VIPR1: variants seen among roughly 807,000 people sequenced by gnomAD.
VIPR1 encodes the protein vasoactive intestinal peptide receptor 1.
VIPR1 carries 59 observed loss-of-function variants against 58.8 expected under a neutral mutation model. That is an observed-to-expected ratio of 1.00 (90% confidence interval 0.81 to 1.25). VIPR1 has a LOEUF of 1.25. Among genes scored for constraint, VIPR1 ranks in the 50% most tolerant of loss-of-function variants. The probability of loss-of-function intolerance (pLI) is 0.00; values close to 1 mark genes in which losing one functional copy is unlikely to be tolerated. For synonymous variants in VIPR1, 251 were observed against 242.1 expected, an observed-to-expected ratio of 1.04 and a Z score of -0.34; for missense variants, 626 against 602.7, an observed-to-expected ratio of 1.04 and a Z score of -0.40.
At chr3:42,491,395 A>G (rs72861293) in intron 1 of VIPR1, among the ~76,000 whole-genome samples, 4,085 of 152,302 alleles carry the variant, frequency 0.027, 173 homozygotes, top group African/African-American at 0.091. Flanking sequence ...TATCCTTTAG[A>G]TGTACACACT....
rs759491763 is a variant in VIPR1, at chr3:42,531,458, C to G, written c.791-13C>G. On this transcript the variant is annotated splice_polypyrimidine_tract_variant and intron_variant, in intron 7 of 12. Coordinates refer to ENST00000325123, the MANE Select transcript of VIPR1 (RefSeq NM_004624.4). ...TGCCCTCTCTGCTCTTTCACTCTCC[C>G]TGGGCCTGACAGGGGTACCCAGCAC... The G allele has an allele frequency of 1.3e-6, 2 of 1,570,292 alleles. No homozygotes were observed. The highest frequency in any genetic ancestry group is 2.7e-5 in the African/African-American group (2 of 74,062).
At chr3:42,534,820 C>A in intron 10 of VIPR1, 155 bp from the exon 11 acceptor site, 1 of 996,876 alleles carries the variant, frequency 1.0e-6, no homozygotes, top group Non-Finnish European at 1.4e-6. Flanking sequence ...CAGGAGCAGA[C>A]AAGGGCATAA....
Position 42,527,882 on chromosome 3 carries a change from G to A in VIPR1, c.504-109G>A, listed in dbSNP as rs1378889649. 1.0e-5 allele frequency: 15 copies of A among 1,465,192 alleles called. No individual in the cohort carries two copies. In the Admixed American group the frequency reaches 2.3e-4, roughly 23 times the overall value. 90.8% of individuals were successfully genotyped at this position (1,465,192 alleles called of 1,614,324 possible). A position where few individuals can be genotyped will look rare whatever the true frequency, so the allele number is the denominator to read the frequency against. On this transcript the variant is annotated intron_variant, in intron 5 of 12. Coordinates refer to ENST00000325123, the MANE Select transcript of VIPR1 (RefSeq NM_004624.4). ...CCCTTTGAGGCGGGGCCTGCCCTCTGGAGGACACATGCTCCCCTGCCCCAC... is the reference window on the plus strand; with the variant it reads ...CCCTTTGAGGCGGGGCCTGCCCTCTAGAGGACACATGCTCCCCTGCCCCAC...
chr3:42,511,622 A>G (rs421559), intron 1 of VIPR1: 122,886 of 151,852 alleles, frequency 0.81, 49,802 homozygotes, highest in East Asian at 0.99. Flanking sequence ...GTTATGAGAG[A>G]TAAGAATGGA....
chr3:42,525,690 CG>C (rs887348033), intron 3 of VIPR1, among the ~76,000 whole-genome samples, 196 bp from the exon 4 acceptor site: 23 of 152,294 alleles, frequency 1.5e-4, no homozygotes, highest in African/African-American at 5.3e-4. Context: ...ATCATCGGTG[CG>C]GGAGCCCTGA....
At position 42,532,008 on chromosome 3, in the gene VIPR1, ACC is replaced by A. The variant is rs1364415315; in HGVS notation, c.918+142_918+143del. On this transcript the variant is annotated intron_variant, in intron 9 of 12. Transcript: ENST00000325123. ...TAATGCCCAATGCAGGATCATCCCCACCCCTGTCCTACCAGTTCTTCCTTGAG... is the reference window on the plus strand; with the variant it reads ...TAATGCCCAATGCAGGATCATCCCCACCTGTCCTACCAGTTCTTCCTTGAG... 57 of 1,017,392 alleles carry A rather than the reference ACC, an allele frequency of 5.6e-5. 1 individual carries two copies. The highest frequency in any genetic ancestry group is 1.6e-5 in the Non-Finnish European group (11 of 674,174). The allele number at this position is 1,017,392 out of a possible 1,614,324, so 63.0% of individuals were successfully genotyped here.
At position 42,528,006 on chromosome 3, in the gene VIPR1, G is replaced by T. The variant is rs565208269; in HGVS notation, c.519G>T (p.Thr173=). ...CCCCACACAGGAAGCTCCACTGCACGCGGAACTACATCCACATGCACCTCT... is the reference window on the plus strand; with the variant it reads ...CCCCACACAGGAAGCTCCACTGCACTCGGAACTACATCCACATGCACCTCT... ...ILSLFRKLHC[T]RNYIHMHLFI... Residue 173 remains threonine, a synonymous_variant, in exon 6 of 13, where the codon ACG becomes ACT. Transcript: ENST00000325123. 13 of 1,613,970 alleles carry T rather than the reference G, an allele frequency of 8.1e-6. No individual in the cohort carries two copies. The East Asian group carries it at 2.9e-4, about 36-fold the overall frequency.
intron 2 of VIPR1, among the ~76,000 whole-genome samples, chr3:42,518,231 G>A (rs1232196670): frequency 6.6e-6 from 1 of 151,970 alleles, no homozygotes; most frequent in Non-Finnish European, 1.5e-5. Flanking sequence ...TATAAATCCT[G>A]GGAATGTGAG....
intron 1 of VIPR1, among the ~76,000 whole-genome samples, chr3:42,508,397 C>T (rs1281197181): frequency 1.3e-5 from 2 of 152,204 alleles, no homozygotes; most frequent in Non-Finnish European, 2.9e-5. Flanking sequence ...CTGAACTAGG[C>T]TCTGCCACCT....
upstream of VIPR1, among the ~76,000 whole-genome samples, chr3:42,499,058 T>C (rs1699818939): frequency 6.6e-6 from 1 of 152,058 alleles, no homozygotes; most frequent in Non-Finnish European, 1.5e-5. Context: ...AGACCAAAAG[T>C]GTAGGTCCCT....
intron 6 of VIPR1, 109 bp downstream of exon 6, chr3:42,528,232 C>T: frequency 7.1e-7 from 1 of 1,409,836 alleles, no homozygotes; most frequent in East Asian, 2.5e-5. Context: ...CTCTTCCCTC[C>T]CACCCCACCC....
intron 6 of VIPR1, 85 bp downstream of exon 6, chr3:42,528,208 C>T: frequency 6.6e-7 from 1 of 1,516,922 alleles, no homozygotes; most frequent in East Asian, 2.3e-5. Flanking sequence ...CCTGCTTCTC[C>T]CTCTCCCTCC....
At position 42,513,793 on chromosome 3, in the gene VIPR1, G is replaced by C. The variant is rs1370045558; in HGVS notation, c.123G>C (p.Gln41His). Reference protein sequence around the residue: ...ARLQEECDYVQMIEVQHKQCL... With the variant: ...ARLQEECDYVHMIEVQHKQCL... ...TGCAGGAGGAGTGTGACTATGTGCA[G>C]ATGATCGAGGTGCAGCACAAGCAGT... Residue 41 changes from glutamine (Q) to histidine (H), a missense_variant, in exon 2 of 13, where the codon CAG becomes CAC. Transcript: ENST00000325123. 5 of 1,551,568 alleles carry C rather than the reference G, an allele frequency of 3.2e-6. No individual in the cohort carries two copies. The highest frequency in any genetic ancestry group is 2.4e-5 in the East Asian group (1 of 40,940).
At position 42,536,862 on chromosome 3, in the gene VIPR1, G is replaced by GT. The variant is rs1047053608; in HGVS notation, c.*586dup. 6.6e-6 allele frequency: 1 copy of GT among 152,250 alleles called. No individual in the cohort carries two copies. The highest frequency in any genetic ancestry group is 2.4e-5 in the African/African-American group (1 of 41,438). 9.4% of individuals were successfully genotyped at this position (152,250 alleles called of 1,614,324 possible). A position where few individuals can be genotyped will look rare whatever the true frequency, so the allele number is the denominator to read the frequency against. ...GCTTTTTAAAGTGGGTTATTCTGGA[G>GT]TTTTTGTTTGGAGAGCACACCTATC... On this transcript the variant is annotated 3_prime_UTR_variant, in exon 13 of 13. Coordinates refer to ENST00000325123, the MANE Select transcript of VIPR1 (RefSeq NM_004624.4).
intron 3 of VIPR1, among the ~76,000 whole-genome samples, chr3:42,520,792 G>A (rs569369960): frequency 6.6e-6 from 1 of 151,956 alleles, no homozygotes; most frequent in East Asian, 1.9e-4. Context: ...AGACCCCAGG[G>A]TCTCTTTGGG....
Position 42,502,643 on chromosome 3 carries a change from A to G in VIPR1, c.-93A>G, listed in dbSNP as rs1699916057. 9.8e-7 allele frequency: 1 copy of G among 1,018,424 alleles called. No homozygotes were observed. Among genetic ancestry groups the G allele is most frequent in the Non-Finnish European group, 1.3e-6 (1 of 793,642 alleles). 63.1% of individuals were successfully genotyped at this position (1,018,424 alleles called of 1,614,324 possible). On this transcript the variant is annotated 5_prime_UTR_variant, in exon 1 of 13. Coordinates refer to ENST00000325123, the MANE Select transcript of VIPR1 (RefSeq NM_004624.4). ...GCTCTGGGGCCACAGCGCCAGCGCC[A>G]CTCTGCCAGGCTCCCGGCCATCGCC... is the stretch of plus-strand genomic sequence containing the variant.
intron 10 of VIPR1, 30 bp downstream of exon 10, chr3:42,532,363 A>C: frequency 6.3e-7 from 1 of 1,596,478 alleles, no homozygotes; most frequent in Non-Finnish European, 8.6e-7. Context: ...CTCAGCCCCC[A>C]GTACCTCCAT....
At chr3:42,528,884 A>T (rs1444235420) in intron 6 of VIPR1, among the ~76,000 whole-genome samples, 1 of 152,116 alleles carries the variant, frequency 6.6e-6, no homozygotes, top group Non-Finnish European at 1.5e-5. Context: ...CTTCTCCCCA[A>T]AGAGTGAAAT....
chr3:42,536,222 C>A lies in VIPR1; in HGVS notation c.1315C>A (p.Arg439Ser), dbSNP rs1320253011. Residue 439 changes from arginine (R) to serine (S), a missense_variant, in exon 13 of 13, where the codon CGC (arginine) becomes AGC (serine). By Grantham distance (110) the Arg-to-Ser change is moderately radical. Coordinates refer to ENST00000325123, the MANE Select transcript of VIPR1 (RefSeq NM_004624.4). The stretch of plus-strand genomic sequence containing the variant: ...CAGCACGCAGGTTTCCATGCTGACC[C>A]GCGTCAGCCCAGGTGCCCGCCGCTC... ...TCSTQVSMLT[R>S]VSPGARRSSS... 18 of 1,584,364 alleles carry A rather than the reference C, an allele frequency of 1.1e-5. No individual in the cohort carries two copies. Among genetic ancestry groups the A allele is most frequent in the East Asian group, 2.3e-5 (1 of 43,316 alleles).
Sources: allele counts gnomAD v4.1 joint callset (sites outside exome capture counted in the v4.1 genomes callset), GRCh38; gene constraint gnomAD v4.1.1; transcripts MANE v1.5; gene names NCBI Gene and HGNC (gene_info 2026-07-23, HGNC 2026-07-21).